HPSE2: variants seen among roughly 807,000 people sequenced by gnomAD.
HPSE2 encodes the protein heparanase 2 (inactive), also known as inactive heparanase-2.
In HPSE2, 38 loss-of-function variants were observed where a neutral mutation model predicts 60.5. That is an observed-to-expected ratio of 0.63 (90% CI 0.48 to 0.82). The LOEUF is 0.82. Among genes scored for constraint, HPSE2 ranks in the 40% least tolerant of loss-of-function variants. The pLI is 0.00. For synonymous variants in HPSE2, 295 were observed against 293.2 expected (o/e 1.01, Z -0.06); for missense variants, 713 against 740.4 (o/e 0.96, Z 0.43).
intron 3 of HPSE2, among the ~76,000 whole-genome samples, chr10:98,943,493 G>C (rs1177282411): frequency 6.6e-6 from 1 of 151,842 alleles, no homozygotes; most frequent in Non-Finnish European, 1.5e-5. Context: ...CCACCCCTTC[G>C]TATTCATAGC....
chr10:98,641,787 T>C, intron 7 of HPSE2, 60 bp downstream of exon 7: 8 of 1,287,544 alleles, frequency 6.2e-6, no homozygotes, highest in Non-Finnish European at 9.1e-6. Context: ...GGACTTTGTG[T>C]CTTTTTCCTT....
intron 3 of HPSE2, among the ~76,000 whole-genome samples, chr10:98,928,850 AG>A (rs1282564852): frequency 2.2e-5 from 1 of 45,076 alleles, no homozygotes; most frequent in Non-Finnish European, 3.6e-5. Context: ...GGGTGGGGGG[AG>A]GGGGGAGGGA....
chr10:98,730,741 T>G (rs1949206669), intron 4 of HPSE2, among the ~76,000 whole-genome samples: 1 of 152,084 alleles, frequency 6.6e-6, no homozygotes, highest in African/African-American at 2.4e-5. Flanking sequence ...ATGCAGAAAT[T>G]ATTAAAACTG....
chr10:98,569,435 A>G lies in HPSE2; in HGVS notation c.1320+45469T>C, dbSNP rs144058267. On this transcript the variant is annotated intron_variant, in intron 9 of 11. Coordinates refer to ENST00000370552, the MANE Select transcript of HPSE2 (RefSeq NM_021828.5). ...TTTAATTAAAATGTAAAATAAACTT[A>G]ATGATACATTTAAATTACAAATTTA... is the stretch of plus-strand genomic sequence containing the variant. 1.3e-4 allele frequency among the ~76,000 whole-genome samples: 20 copies of G among 152,334 alleles called. No individual in the cohort carries two copies. The East Asian group carries it at 3.5e-3, about 26-fold the overall frequency.
intron 10 of HPSE2, among the ~76,000 whole-genome samples, chr10:98,489,804 G>A (rs1021334787): frequency 1.3e-5 from 2 of 152,240 alleles, no homozygotes; most frequent in Non-Finnish European, 2.9e-5. Flanking sequence ...ATAAGTAAAT[G>A]AACAAATGGC....
chr10:98,813,035 C>A (rs1203510218), intron 3 of HPSE2, among the ~76,000 whole-genome samples: 1 of 152,124 alleles, frequency 6.6e-6, no homozygotes. Flanking sequence ...GAACTCTTGA[C>A]AAAGAGATCC....
chr10:98,734,056 GTC>G (rs1949290193), intron 4 of HPSE2, among the ~76,000 whole-genome samples: 1 of 152,014 alleles, frequency 6.6e-6, no homozygotes, highest in Non-Finnish European at 1.5e-5. Flanking sequence ...TCTACTTTCC[GTC>G]TCTGTAGATT....
At chr10:98,954,741 GCAAC>G (rs765823594) in intron 3 of HPSE2, among the ~76,000 whole-genome samples, 20 of 151,956 alleles carry the variant, frequency 1.3e-4, no homozygotes, top group Non-Finnish European at 1.8e-4. Flanking sequence ...TTGATTTGAG[GCAAC>G]AGTCATAAAC....
At chr10:99,010,083 G>A (rs1396670261) in intron 3 of HPSE2, among the ~76,000 whole-genome samples, 1 of 152,136 alleles carries the variant, frequency 6.6e-6, no homozygotes, top group Non-Finnish European at 1.5e-5. Context: ...GACCACAGCT[G>A]TTCTCCAATA....
chr10:99,193,389 GA>G lies in HPSE2; in HGVS notation c.448+38958del, dbSNP rs1366218223. On this transcript the variant is annotated intron_variant, in intron 2 of 11. Transcript: ENST00000370552. ...GGAAGAGAAGACTACAAGACAAGTA[GA>G]AAACACATAACAAAATGGCAGAAGT... Among the ~76,000 whole-genome samples the G allele has an allele frequency of 2.6e-5, 4 of 151,596 alleles. No homozygotes were observed. The East Asian group carries it at 7.8e-4, about 30-fold the overall frequency.
chr10:99,120,251 A>T (rs1445574179), intron 3 of HPSE2, among the ~76,000 whole-genome samples: 1 of 152,134 alleles, frequency 6.6e-6, no homozygotes, highest in Non-Finnish European at 1.5e-5. Context: ...TTTACGATTT[A>T]AAAAAACCAT....
At chr10:98,833,333 T>C (rs1380934345) in intron 3 of HPSE2, among the ~76,000 whole-genome samples, 1 of 152,154 alleles carries the variant, frequency 6.6e-6, no homozygotes, top group Non-Finnish European at 1.5e-5. Context: ...ACTAAAGGAT[T>C]GGTTTAGAGC....
intron 3 of HPSE2, among the ~76,000 whole-genome samples, chr10:99,123,293 A>ATC (rs1845031431): frequency 6.6e-6 from 1 of 152,232 alleles, no homozygotes; most frequent in Non-Finnish European, 1.5e-5. Flanking sequence ...AAGGCATAGA[A>ATC]TATGAAAAGG....
At chr10:99,255,725 T>G in the HPSE2 span, among the ~76,000 whole-genome samples, 3 of 152,138 alleles carry the variant, frequency 2.0e-5, no homozygotes, top group Admixed American at 2.0e-4. Flanking sequence ...AATATATAGG[T>G]AGCATCATAT....
chr10:98,918,768 A>G (rs1351098097), intron 3 of HPSE2, among the ~76,000 whole-genome samples: 1 of 150,656 alleles, frequency 6.6e-6, no homozygotes, highest in East Asian at 2.0e-4. Flanking sequence ...AGCATGGCAC[A>G]TGTATACATA....
chr10:98,963,929 C>G (rs1955747670), intron 3 of HPSE2, among the ~76,000 whole-genome samples: 1 of 152,018 alleles, frequency 6.6e-6, no homozygotes, highest in Non-Finnish European at 1.5e-5. Flanking sequence ...GATTACAGAA[C>G]ACAGAATAGC....
At chr10:98,578,514 A>G (rs559548085) in intron 9 of HPSE2, among the ~76,000 whole-genome samples, 2 of 152,382 alleles carry the variant, frequency 1.3e-5, no homozygotes, top group East Asian at 3.9e-4. Flanking sequence ...AGTATAATTT[A>G]GAATGACAGA....
intron 3 of HPSE2, among the ~76,000 whole-genome samples, chr10:99,138,130 A>G (rs561620841): frequency 5.9e-5 from 9 of 152,102 alleles, no homozygotes; most frequent in South Asian, 2.1e-4. Flanking sequence ...GCTAACAGAC[A>G]TATGAAAAAA....
intron 3 of HPSE2, among the ~76,000 whole-genome samples, chr10:98,753,986 G>A (rs572310946): frequency 3.3e-5 from 5 of 152,108 alleles, no homozygotes; most frequent in Non-Finnish European, 5.9e-5. Context: ...TAGCTTCCCA[G>A]CAATGGTTCT....
Sources: allele counts gnomAD v4.1 joint callset (sites outside exome capture counted in the v4.1 genomes callset), GRCh38; gene constraint gnomAD v4.1.1; transcripts MANE v1.5; gene names NCBI Gene and HGNC (gene_info 2026-07-23, HGNC 2026-07-21).